The following CNTNAP2 variants were observed in gnomAD, a reference collection of about 807,000 sequenced individuals.
The protein encoded by CNTNAP2 is contactin associated protein 2, also known as contactin-associated protein-like 2.
CNTNAP2 carries 98 observed loss-of-function variants against 155.2 expected under a neutral mutation model. That is an observed-to-expected ratio of 0.63 (90% confidence interval 0.54 to 0.75). CNTNAP2 has a LOEUF of 0.75. Ranked by LOEUF, CNTNAP2 falls within the 30% of genes least tolerant of loss-of-function variation. The probability of loss-of-function intolerance (pLI) is 0.00; values close to 1 mark genes in which losing one functional copy is unlikely to be tolerated. For missense variants in CNTNAP2, 1,727 were observed against 1,688.1 expected (o/e 1.02, Z -0.40); for synonymous variants, 651 against 631.2 (o/e 1.03, Z -0.47).
chr7:146,742,588 T>G (rs1801738392), intron 1 of CNTNAP2, among the ~76,000 whole-genome samples: 1 of 152,072 alleles, frequency 6.6e-6, no homozygotes, highest in East Asian at 1.9e-4. Flanking sequence ...AGCGGAAGAT[T>G]AGCAGCAGAG....
intron 13 of CNTNAP2, among the ~76,000 whole-genome samples, chr7:147,657,352 G>C (rs1795539821): frequency 6.6e-6 from 1 of 152,154 alleles, no homozygotes; most frequent in Non-Finnish European, 1.5e-5. Flanking sequence ...TGAAACCAGA[G>C]TAATTTACCA....
intron 1 of CNTNAP2, among the ~76,000 whole-genome samples, chr7:146,757,254 G>A (rs1243820987): frequency 6.6e-6 from 1 of 152,050 alleles, no homozygotes; most frequent in African/African-American, 2.4e-5. Flanking sequence ...ACAAAGGAAT[G>A]CAGTGTCATT....
chr7:146,485,202 G>A (rs1038084657), intron 1 of CNTNAP2, among the ~76,000 whole-genome samples: 2 of 151,798 alleles, frequency 1.3e-5, no homozygotes, highest in African/African-American at 4.8e-5. Flanking sequence ...CTGTGACAAT[G>A]TTTAAAAAAA....
At chr7:147,545,957 T>C (rs983118912) in intron 11 of CNTNAP2, among the ~76,000 whole-genome samples, 5 of 152,078 alleles carry the variant, frequency 3.3e-5, no homozygotes, top group African/African-American at 1.2e-4. Context: ...TTCACTTGGG[T>C]CTCATTCTCT....
At chr7:147,344,185 T>C (rs1480236048) in intron 9 of CNTNAP2, among the ~76,000 whole-genome samples, 2 of 152,150 alleles carry the variant, frequency 1.3e-5, no homozygotes, top group East Asian at 3.9e-4. Flanking sequence ...CAGTTGCCAG[T>C]AGCGCTGATT....
At chr7:146,303,065 T>C (rs1800639175) in intron 1 of CNTNAP2, among the ~76,000 whole-genome samples, 1 of 132,770 alleles carries the variant, frequency 7.5e-6, no homozygotes, top group South Asian at 2.2e-4. Flanking sequence ...GGTACACCTT[T>C]GTGTGCATGT....
At chr7:147,176,405 A>G (rs569078180) in intron 8 of CNTNAP2, among the ~76,000 whole-genome samples, 1 of 152,092 alleles carries the variant, frequency 6.6e-6, no homozygotes, top group South Asian at 2.1e-4. Context: ...TTAAACAGAC[A>G]TTTACCAAGA....
At chr7:146,151,157 C>G (rs1241394740) in intron 1 of CNTNAP2, among the ~76,000 whole-genome samples, 1 of 152,098 alleles carries the variant, frequency 6.6e-6, no homozygotes, top group Non-Finnish European at 1.5e-5. Flanking sequence ...AATCCAGTCA[C>G]TTCCCACCAG....
rs943957617 is a variant in CNTNAP2, at chr7:146,314,976, G to A, written c.97+198003G>A. Among the ~76,000 whole-genome samples, 58 of 152,344 alleles carry A rather than the reference G, an allele frequency of 3.8e-4. 1 individual carries two copies. The highest frequency in any genetic ancestry group is 1.3e-3 in the African/African-American group (55 of 41,588). On this transcript the variant is annotated intron_variant, in intron 1 of 23. Transcript: ENST00000361727. ...GCTGTCCCTCCCAGTCTTGCTGGGA[G>A]AAGACTTCAACTCTTCACAGAGAGA...
intron 3 of CNTNAP2, among the ~76,000 whole-genome samples, chr7:146,984,158 G>A (rs1440442079): frequency 1.3e-5 from 2 of 151,640 alleles, no homozygotes; most frequent in African/African-American, 2.4e-5. Flanking sequence ...AACTGAGGTC[G>A]GGAGTTCGAG....
At chr7:146,409,043 G>T (rs1795832017) in intron 1 of CNTNAP2, among the ~76,000 whole-genome samples, 1 of 152,064 alleles carries the variant, frequency 6.6e-6, no homozygotes, top group African/African-American at 2.4e-5. Context: ...CTACAACTTA[G>T]AATATGGTAG....
intron 13 of CNTNAP2, among the ~76,000 whole-genome samples, chr7:147,708,986 C>T (rs1052926781): frequency 2.6e-5 from 4 of 152,126 alleles, no homozygotes; most frequent in Admixed American, 6.5e-5. Flanking sequence ...GAACTCCATA[C>T]AGCCCATTTT....
intron 9 of CNTNAP2, among the ~76,000 whole-genome samples, chr7:147,382,978 T>C (rs1011734700): frequency 2.0e-5 from 3 of 152,214 alleles, no homozygotes; most frequent in African/African-American, 7.2e-5. Context: ...TTACTCTTTC[T>C]GTAGTTTATC....
intron 3 of CNTNAP2, among the ~76,000 whole-genome samples, chr7:146,871,210 C>G (rs1795298997): frequency 2.0e-5 from 3 of 152,038 alleles, no homozygotes; most frequent in Admixed American, 6.6e-5. Context: ...GCATTTAATT[C>G]TTACCAATTT....
intron 1 of CNTNAP2, among the ~76,000 whole-genome samples, chr7:146,718,024 A>G (rs969867893): frequency 4.6e-5 from 7 of 152,148 alleles, no homozygotes; most frequent in Admixed American, 6.6e-5. Flanking sequence ...TGATGGTATG[A>G]AAACACATTT....
chr7:146,892,288 A>G (rs1311748097), intron 3 of CNTNAP2, among the ~76,000 whole-genome samples: 1 of 152,134 alleles, frequency 6.6e-6, no homozygotes. Flanking sequence ...CCTGATCCCA[A>G]GTATGAATTT....
chr7:146,124,956 A>G (rs1379505653), intron 1 of CNTNAP2, among the ~76,000 whole-genome samples: 2 of 152,142 alleles, frequency 1.3e-5, no homozygotes, highest in Admixed American at 6.6e-5. Flanking sequence ...ATAAAACTTT[A>G]CTTTTTTACT....
intron 21 of CNTNAP2, among the ~76,000 whole-genome samples, chr7:148,308,327 G>GA (rs933066531): frequency 9.2e-5 from 14 of 151,386 alleles, no homozygotes; most frequent in Non-Finnish European, 1.5e-4. Flanking sequence ...AGAAAACTTG[G>GA]AAAAAAACAA....
intron 1 of CNTNAP2, among the ~76,000 whole-genome samples, chr7:146,181,546 C>G (rs1383815614): frequency 6.6e-6 from 1 of 152,066 alleles, no homozygotes; most frequent in Non-Finnish European, 1.5e-5. Context: ...ATTTTTTTCT[C>G]ATGCCATCCA....
Sources: allele counts gnomAD v4.1 joint callset (sites outside exome capture counted in the v4.1 genomes callset), GRCh38; gene constraint gnomAD v4.1.1; transcripts MANE v1.5; gene names NCBI Gene and HGNC (gene_info 2026-07-23, HGNC 2026-07-21).